SANBR: variants seen among roughly 807,000 people sequenced by gnomAD.
The protein encoded by SANBR is SANT and BTB domain regulator of CSR, also known as SANT and BTB domain regulator of class switch recombination.
Under a neutral mutation model 101.8 loss-of-function variants are expected in SANBR, and 77 were observed. The ratio of observed to expected loss-of-function variants is 0.76; its 90% CI spans 0.63 to 0.91. SANBR has a LOEUF of 0.91. Among genes scored for constraint, SANBR ranks in the 40% least tolerant of loss-of-function variants. The probability of loss-of-function intolerance (pLI) is 0.00; values close to 1 mark genes in which losing one functional copy is unlikely to be tolerated. For synonymous variants in SANBR, 279 were observed against 274.7 expected, an observed-to-expected ratio of 1.02 and a Z score of -0.15; for missense variants, 875 against 853.0, an observed-to-expected ratio of 1.03 and a Z score of -0.32.
At chr2:61,129,731 A>G (rs1298745679) in intron 20 of SANBR, among the ~76,000 whole-genome samples, 3 of 152,130 alleles carry the variant, frequency 2.0e-5, no homozygotes, top group Non-Finnish European at 4.4e-5. Flanking sequence ...GAAATGAGAA[A>G]TAAATTTGAT....
intron 4 of SANBR, among the ~76,000 whole-genome samples, chr2:61,072,778 A>G (rs1681542340): frequency 8.2e-6 from 1 of 121,908 alleles, no homozygotes; most frequent in Non-Finnish European, 1.7e-5. Context: ...CCTTTACTTA[A>G]TATTCCTTTT....
chr2:61,106,732 C>A, intron 14 of SANBR, 70 bp downstream of exon 14: 2 of 957,082 alleles, frequency 2.1e-6, no homozygotes, highest in Middle Eastern at 2.4e-4. Flanking sequence ...TTGACAGGAA[C>A]CTGATCAGTT....
rs150068498 is a variant in SANBR, at chr2:61,135,097, C to T, written c.*44+821C>T. On this transcript the variant is annotated intron_variant, in intron 21 of 21. Transcript: ENST00000295031. ...CCCAGCTACTCAGGAAGCTGAAGCA[C>T]GAAAATCTCCTGAACTCGGGAAGGC... is the stretch of plus-strand genomic sequence containing the variant. 1.3e-3 allele frequency among the ~76,000 whole-genome samples: 196 copies of T among 152,160 alleles called. 3 individuals carry two copies. Among genetic ancestry groups the T allele is most frequent in the African/African-American group, 4.6e-3 (191 of 41,488 alleles).
At position 61,102,365 on chromosome 2, in the gene SANBR, CAAAAAAAAAAA is replaced by C. The variant is rs35795015; in HGVS notation, c.1366-1471_1366-1461del. ...CTAGCAACAGAGCAAGACTGTGTCT[CAAAAAAAAAAA>C]AAAAAAAAAAAAAAAATTGGAGAAA... is the stretch of plus-strand genomic sequence containing the variant. On this transcript the variant is annotated intron_variant, in intron 12 of 21. Coordinates refer to ENST00000402291, the MANE Select transcript of SANBR (RefSeq NM_001129993.3). Among the ~76,000 whole-genome samples the C allele has an allele frequency of 6.1e-4, 36 of 59,436 alleles. No individual in the cohort carries two copies. In the East Asian group the frequency reaches 9.7e-3, roughly 16 times the overall value. The allele number at this position is 59,436 out of a possible 152,430, so 39.0% of individuals were successfully genotyped here. A position where few individuals can be genotyped will look rare whatever the true frequency, so the allele number is the denominator to read the frequency against.
At chr2:61,075,721 A>G (rs1681728881) in intron 5 of SANBR, among the ~76,000 whole-genome samples, 1 of 151,736 alleles carries the variant, frequency 6.6e-6, no homozygotes, top group Non-Finnish European at 1.5e-5. Context: ...TATATTTAAT[A>G]TATTTATATT....
chr2:61,087,751 T>A (rs1682514428), intron 8 of SANBR, among the ~76,000 whole-genome samples: 1 of 151,798 alleles, frequency 6.6e-6, no homozygotes, highest in African/African-American at 2.4e-5. Flanking sequence ...CTCGGGATGC[T>A]CAGGCAGGAT....
intron 10 of SANBR, chr2:61,088,746 C>T: frequency 2.5e-6 from 1 of 408,104 alleles, no homozygotes; most frequent in Non-Finnish European, 3.3e-6. Context: ...GTCTCGAACT[C>T]CTGACCTCAT....
chr2:61,073,601 C>T (rs775425270), intron 5 of SANBR, 50 bp downstream of exon 5: 1 of 1,024,874 alleles, frequency 9.8e-7, no homozygotes, highest in Non-Finnish European at 1.5e-6. Context: ...ATATCAACTT[C>T]ATAAAATATA....
rs763325972 is a variant in SANBR, at chr2:61,077,167, C to T, written c.670+9C>T. 1.6e-5 allele frequency: 25 copies of T among 1,544,186 alleles called. 1 individual carries two copies. In the South Asian group the frequency reaches 2.8e-4, roughly 17 times the overall value. On this transcript the variant is annotated intron_variant, in intron 6 of 21. Coordinates refer to ENST00000402291, the MANE Select transcript of SANBR (RefSeq NM_001129993.3). ...TGAGATGCCCACTTTAGGTAAAAAA[C>T]AATCTGTTGCTTAATTTGTAGTGAA...
chr2:61,066,054 G>C (rs1681130129), intron 1 of SANBR, 27 bp downstream of exon 1: 1 of 152,190 alleles, frequency 6.6e-6, no homozygotes, highest in Non-Finnish European at 1.5e-5. Flanking sequence ...GGGGGCTCGG[G>C]TGCCCACCGC....
chr2:61,120,979 G>C (rs766426996), intron 20 of SANBR, among the ~76,000 whole-genome samples: 1 of 152,060 alleles, frequency 6.6e-6, no homozygotes, highest in East Asian at 1.9e-4. Flanking sequence ...CATTGTGACA[G>C]TAGTTATAAA....
chr2:61,118,384 G>T (rs1459920084), intron 20 of SANBR, among the ~76,000 whole-genome samples: 2 of 151,746 alleles, frequency 1.3e-5, no homozygotes, highest in African/African-American at 4.8e-5. Context: ...TGGGTTACAG[G>T]CATGCACCAC....
At chr2:61,128,948 G>C (rs912400572), downstream of SANBR, among the ~76,000 whole-genome samples, 2 of 152,028 alleles carry the variant, frequency 1.3e-5, no homozygotes, top group African/African-American at 4.8e-5. Flanking sequence ...GGAGACAGAG[G>C]GAGATCCTGT....
intron 10 of SANBR, among the ~76,000 whole-genome samples, chr2:61,091,590 G>C (rs6709410): frequency 0.26 from 29,337 of 113,474 alleles, 3,156 homozygotes; most frequent in Middle Eastern, 0.39. Context: ...GTGAAACTCC[G>C]TCCAAAAAAA....
At chr2:61,129,048 T>C (rs1476422131), downstream of SANBR, among the ~76,000 whole-genome samples, 2 of 152,092 alleles carry the variant, frequency 1.3e-5, no homozygotes, top group Admixed American at 6.6e-5. Flanking sequence ...TCAGCAAAAA[T>C]TGTCTTTCAA....
In SANBR at chr2:61,085,300, AT is replaced by A. The variant is rs879628590; in HGVS notation, c.890+1995del. On this transcript the variant is annotated intron_variant, in intron 8 of 21. Coordinates refer to ENST00000402291, the MANE Select transcript of SANBR (RefSeq NM_001129993.3). ...TTTTTCTGTTATTCATCTTGAATTA[AT>A]TTTTTTTTGTGGTATGAGGTAGGGG... 2.9e-3 allele frequency among the ~76,000 whole-genome samples: 435 copies of A among 151,182 alleles called. 2 individuals are homozygous for A. Among genetic ancestry groups the A allele is most frequent in the African/African-American group, 1.0e-2 (411 of 41,238 alleles).
At chr2:61,077,882 C>T (rs1681877619) in intron 6 of SANBR, among the ~76,000 whole-genome samples, 1 of 152,180 alleles carries the variant, frequency 6.6e-6, no homozygotes, top group South Asian at 2.1e-4. Flanking sequence ...AGGTGTTTGG[C>T]AGACATTTTC....
Position 61,123,774 on chromosome 2 carries a change from A to C in SANBR, c.*1612A>C. The C allele has an allele frequency of 1.0e-6, 1 of 985,554 alleles. No homozygotes were observed. Among genetic ancestry groups the C allele is most frequent in the Non-Finnish European group, 1.2e-6 (1 of 829,900 alleles). The allele number at this position is 985,554 out of a possible 1,614,324, so 61.1% of individuals were successfully genotyped here. On this transcript the variant is annotated 3_prime_UTR_variant, in exon 22 of 22. Coordinates refer to ENST00000402291, the MANE Select transcript of SANBR (RefSeq NM_001129993.3). ...CACTGAATTAATTTTTACAAACCAG[A>C]GTTTATCAGAATTTGATTCTCTTCA...
Position 61,122,428 on chromosome 2 carries a change from G to C in SANBR, c.*266G>C. 8.6e-7 allele frequency: 1 copy of C among 1,168,980 alleles called. No individual in the cohort carries two copies. The highest frequency in any genetic ancestry group is 1.1e-6 in the Non-Finnish European group (1 of 948,256). The allele number at this position is 1,168,980 out of a possible 1,614,324, so 72.4% of individuals were successfully genotyped here. ...ATTATTTACAAATTTGCATAGTTGA[G>C]ACTCCCAGTGTTTTCCTTTATTTAT... is the stretch of plus-strand genomic sequence containing the variant. On this transcript the variant is annotated 3_prime_UTR_variant, in exon 22 of 22. Transcript: ENST00000402291.
Sources: allele counts gnomAD v4.1 joint callset (sites outside exome capture counted in the v4.1 genomes callset), GRCh38; gene constraint gnomAD v4.1.1; transcripts MANE v1.5; gene names NCBI Gene and HGNC (gene_info 2026-07-23, HGNC 2026-07-21).